The following MDN1 variants were observed in gnomAD, a reference collection of about 807,000 sequenced individuals.
MDN1 encodes midasin AAA ATPase 1, also known as midasin.
In MDN1, 266 loss-of-function variants were observed where a neutral mutation model predicts 669.2. That is an observed-to-expected ratio of 0.40 (90% confidence interval 0.36 to 0.44). MDN1 has a LOEUF of 0.44. Ranked by LOEUF, MDN1 falls within the 20% of genes least tolerant of loss-of-function variation. The probability of loss-of-function intolerance (pLI) is 1.00; values close to 1 mark genes in which losing one functional copy is unlikely to be tolerated. For missense variants in MDN1, 5,940 were observed against 6,754.0 expected (o/e 0.88, Z 4.22); for synonymous variants, 2,385 against 2,457.1 (o/e 0.97, Z 0.87).
intron 2 of MDN1, chr6:89,797,776 C>A: frequency 3.2e-6 from 1 of 312,278 alleles, no homozygotes; most frequent in Non-Finnish European, 6.4e-6. Flanking sequence ...CTAAGGCCTA[C>A]TGCCAATAAA....
chr6:89,676,395 G>A (rs934171661), intron 76 of MDN1, among the ~76,000 whole-genome samples, 188 bp from the exon 77 acceptor site: 1 of 152,198 alleles, frequency 6.6e-6, no homozygotes. Flanking sequence ...GGAAGTATCA[G>A]GGGAAATAAA....
rs920738192 is a variant in MDN1 at position 89,749,280 on chromosome 6, C to T, written c.3705G>A (p.Arg1235=). 6 of 1,614,086 alleles carry T rather than the reference C, an allele frequency of 3.7e-6. No homozygotes were observed. Among genetic ancestry groups the T allele is most frequent in the African/African-American group, 1.3e-5 (1 of 75,026 alleles). ...SSELETILHK[R]CSLPPSYCSK... is the part of the protein sequence containing the mutation. Reference sequence around the variant, plus strand: ...TGCAATAGGAGGGTGGCAAACTACACCGCTTGTGCAAGATTGTTTCCAACT... The same window carrying T: ...TGCAATAGGAGGGTGGCAAACTACATCGCTTGTGCAAGATTGTTTCCAACT... Residue 1235 remains arginine (R), a synonymous_variant, in exon 26 of 102, where the codon CGG becomes CGA. Coordinates refer to ENST00000369393, the MANE Select transcript of MDN1 (RefSeq NM_014611.3).
Position 89,661,517 on chromosome 6 carries a change from G to A in MDN1, c.14627C>T (p.Pro4876Leu). 6.2e-7 allele frequency: 1 copy of A among 1,614,122 alleles called. No individual in the cohort carries two copies. Among genetic ancestry groups the A allele is most frequent in the Non-Finnish European group, 8.5e-7 (1 of 1,180,014 alleles). Residue 4876 changes from proline (P) to leucine (L), a missense_variant, in exon 88 of 102, where the codon CCC becomes CTC. Physicochemically the swap from Pro to Leu is moderately conservative, Grantham distance 98. Around this residue, in one of 5 missense-constraint regions of MDN1, gnomAD observed 2,280 missense variants for 2,576.3 expected, o/e 0.88. Coordinates refer to ENST00000369393, the MANE Select transcript of MDN1 (RefSeq NM_014611.3). Reference sequence around the variant, plus strand: ...GTCATCTGGAAGGTCCAAAGCCTCGGGTTCTGGCACCTTTTCCTGATTGCC... The same window carrying A: ...GTCATCTGGAAGGTCCAAAGCCTCGAGTTCTGGCACCTTTTCCTGATTGCC... Reference protein sequence around the residue: ...YHGNQEKVPEPEALDLPDDLN... With the variant: ...YHGNQEKVPELEALDLPDDLN...
intron 69 of MDN1, 34 bp from the exon 70 acceptor site, chr6:89,686,007 C>A: frequency 6.2e-7 from 1 of 1,600,248 alleles, no homozygotes; most frequent in South Asian, 1.1e-5. Context: ...TATATATGTT[C>A]CTTCGACCAT....
chr6:89,660,172 C>A (rs1809625065), intron 88 of MDN1, among the ~76,000 whole-genome samples: 1 of 152,108 alleles, frequency 6.6e-6, no homozygotes, highest in African/African-American at 2.4e-5. Flanking sequence ...TAGACATGAA[C>A]CACCGCGCCT....
At chr6:89,672,147 C>T in intron 82 of MDN1, 53 bp downstream of exon 82, 3 of 1,501,486 alleles carry the variant, frequency 2.0e-6, no homozygotes, top group Non-Finnish European at 2.6e-6. Flanking sequence ...CCCACTCTGC[C>T]TTTGCTCAGT....
chr6:89,688,895 T>G, intron 65 of MDN1, 87 bp from the exon 66 acceptor site: 1 of 1,078,640 alleles, frequency 9.3e-7, no homozygotes, highest in Non-Finnish European at 1.4e-6. Flanking sequence ...CAGGGCCAGG[T>G]GCAGTGGCTC....
chr6:89,675,605 G>A (rs1811127337), intron 77 of MDN1, 26 bp from the exon 78 acceptor site: 1 of 1,593,992 alleles, frequency 6.3e-7, no homozygotes, highest in East Asian at 2.2e-5. Context: ...AAAACATGCT[G>A]AAGGGGCTGC....
rs138233752 is a variant in MDN1, at chr6:89,687,373, C to T, written c.11421G>A (p.Met3807Ile). The change falls in exon 68 of 102, where the codon ATG (methionine) becomes ATA (isoleucine). Residue 3807 changes from methionine (M) to isoleucine (I), a missense_variant. Met to Ile is a conservative substitution (Grantham distance 10). Around this residue, in one of 5 missense-constraint regions of MDN1, gnomAD observed 2,280 missense variants for 2,576.3 expected, o/e 0.88. Coordinates refer to ENST00000369393, the MANE Select transcript of MDN1 (RefSeq NM_014611.3). ...LRKHLDLISQ[M>I]IIRWRKLELN... is the part of the protein sequence containing the mutation. ...GCTCCAGTTTACGCCACCGAATGAT[C>T]ATCTGACTGATCAAATCAAGATGTT... 1.6e-4 allele frequency: 251 copies of T among 1,614,124 alleles called. No individual in the cohort carries two copies. Among genetic ancestry groups the T allele is most frequent in the Non-Finnish European group, 2.1e-4 (242 of 1,179,992 alleles).
intron 96 of MDN1, 133 bp downstream of exon 96, chr6:89,650,599 T>A: frequency 1.5e-6 from 1 of 665,468 alleles, no homozygotes; most frequent in Non-Finnish European, 2.6e-6. Context: ...AGGAACAGCA[T>A]ACTGGTGCCT....
chr6:89,773,915 A>C (rs1818229703), intron 13 of MDN1, among the ~76,000 whole-genome samples: 1 of 152,108 alleles, frequency 6.6e-6, no homozygotes, highest in Non-Finnish European at 1.5e-5. Flanking sequence ...CTGTGGACCA[A>C]GATCGCACCA....
At chr6:89,795,983 G>A (rs1441933011) in intron 2 of MDN1, among the ~76,000 whole-genome samples, 1 of 151,392 alleles carries the variant, frequency 6.6e-6, no homozygotes, top group African/African-American at 2.4e-5. Context: ...AGGTGGGGGG[G>A]ACATCATATT....
chr6:89,688,282 A>G, intron 66 of MDN1, 109 bp from the exon 67 acceptor site: 1 of 1,045,054 alleles, frequency 9.6e-7, no homozygotes, highest in South Asian at 1.5e-5. Context: ...TCTACTTTTA[A>G]AACACCTCTG....
intron 82 of MDN1, among the ~76,000 whole-genome samples, chr6:89,671,408 G>A (rs574491088): frequency 6.6e-6 from 1 of 152,298 alleles, no homozygotes; most frequent in Non-Finnish European, 1.5e-5. Flanking sequence ...GCCAAAGTGG[G>A]TAGACTGCTT....
intron 90 of MDN1, among the ~76,000 whole-genome samples, chr6:89,657,380 T>TA (rs1429500098): frequency 6.6e-6 from 1 of 152,230 alleles, no homozygotes; most frequent in African/African-American, 2.4e-5. Flanking sequence ...ATCACCACTG[T>TA]AACCAGCAGG....
At chr6:89,807,363 G>A (rs1032733506) in intron 1 of MDN1, among the ~76,000 whole-genome samples, 1 of 152,204 alleles carries the variant, frequency 6.6e-6, no homozygotes. Context: ...TGGGATTACA[G>A]GCATGCGCCA....
chr6:89,763,766 G>A (rs1027843286), intron 15 of MDN1, among the ~76,000 whole-genome samples: 5 of 152,198 alleles, frequency 3.3e-5, no homozygotes, highest in African/African-American at 1.2e-4. Context: ...GAAACAATGA[G>A]ATGAGTAAAA....
intron 26 of MDN1, among the ~76,000 whole-genome samples, chr6:89,747,890 C>CAAA (rs55885838): frequency 4.0e-4 from 34 of 84,024 alleles, no homozygotes; most frequent in African/African-American, 1.2e-3. Flanking sequence ...GACTCCGTCT[C>CAAA]AAAAAAAAAA....
chr6:89,738,230 A>T, intron 33 of MDN1, 96 bp downstream of exon 33: 1 of 1,405,272 alleles, frequency 7.1e-7, no homozygotes, highest in Non-Finnish European at 9.7e-7. Context: ...AACACACCAT[A>T]TACACACAGG....
Sources: allele counts gnomAD v4.1 joint callset (sites outside exome capture counted in the v4.1 genomes callset), GRCh38; gene constraint gnomAD v4.1.1; regional missense constraint gnomAD v4.1.1; transcripts MANE v1.5; gene names NCBI Gene and HGNC (gene_info 2026-07-23, HGNC 2026-07-21).